SPMIP2: variants seen among roughly 807,000 people sequenced by gnomAD.
The protein encoded by SPMIP2 is sperm microtubule inner protein 2, also known as protein SPMIP2.
chr4:158,981,466 G>A, the SPMIP2 span, among the ~76,000 whole-genome samples: 2 of 152,150 alleles, frequency 1.3e-5, no homozygotes, highest in African/African-American at 2.4e-5. Context: ...GAAAGGTTGG[G>A]TTGGCCACAA....
chr4:159,065,167 A>G, the SPMIP2 span, among the ~76,000 whole-genome samples: 13 of 152,314 alleles, frequency 8.5e-5, no homozygotes, highest in African/African-American at 2.2e-4. Context: ...GTTCCTCTCT[A>G]TGCAGATTTT....
At chr4:159,073,405 C>T in the SPMIP2 span, among the ~76,000 whole-genome samples, 1 of 152,178 alleles carries the variant, frequency 6.6e-6, no homozygotes, top group African/African-American at 2.4e-5. Flanking sequence ...CTGCCCAACT[C>T]AGCCTCCCAA....
chr4:158,946,727 A>T, the SPMIP2 span, among the ~76,000 whole-genome samples: 994 of 152,360 alleles, frequency 6.5e-3, 10 homozygotes, highest in African/African-American at 0.022. Flanking sequence ...AAAGACTGAC[A>T]GATATGCATC....
At chr4:159,080,691 C>G in the SPMIP2 span, among the ~76,000 whole-genome samples, 1 of 151,968 alleles carries the variant, frequency 6.6e-6, no homozygotes, top group African/African-American at 2.4e-5. Flanking sequence ...TAAAAAACAA[C>G]AAAATTGGGC....
the SPMIP2 span, among the ~76,000 whole-genome samples, chr4:158,936,590 A>G: frequency 6.6e-6 from 1 of 152,222 alleles, no homozygotes; most frequent in Non-Finnish European, 1.5e-5. Context: ...TTTGAGAAAC[A>G]CATTTAGAAA....
chr4:158,922,191 C>CA, the SPMIP2 span, among the ~76,000 whole-genome samples: 3 of 152,044 alleles, frequency 2.0e-5, no homozygotes, highest in Non-Finnish European at 4.4e-5. Context: ...CCCAGCCTTA[C>CA]ATATTTACTT....
the SPMIP2 span, among the ~76,000 whole-genome samples, chr4:158,945,670 T>C: frequency 6.6e-6 from 1 of 152,152 alleles, no homozygotes; most frequent in Non-Finnish European, 1.5e-5. Flanking sequence ...GATGAACAGT[T>C]GGGAAACCAC....
chr4:159,042,251 A>G, the SPMIP2 span, among the ~76,000 whole-genome samples: 2 of 152,174 alleles, frequency 1.3e-5, no homozygotes, highest in Non-Finnish European at 2.9e-5. Flanking sequence ...CCACCAGCTC[A>G]AGTCTCTGGA....
chr4:158,903,692 T>C, the SPMIP2 span, among the ~76,000 whole-genome samples: 1 of 152,176 alleles, frequency 6.6e-6, no homozygotes, highest in African/African-American at 2.4e-5. Context: ...GTATGTAGCA[T>C]TACTGGAGAA....
chr4:159,029,098 AAAAC>A, the SPMIP2 span, among the ~76,000 whole-genome samples: 3 of 152,312 alleles, frequency 2.0e-5, no homozygotes, highest in Admixed American at 6.5e-5. Flanking sequence ...CTGTCTCAAA[AAAAC>A]AAACAAACAT....
the SPMIP2 span, among the ~76,000 whole-genome samples, chr4:158,986,758 A>C: frequency 6.6e-6 from 1 of 152,194 alleles, no homozygotes; most frequent in Non-Finnish European, 1.5e-5. Context: ...AAGCAATGGC[A>C]ACAGAAGCCA....
chr4:159,073,246 C>A, the SPMIP2 span, among the ~76,000 whole-genome samples: 28 of 152,140 alleles, frequency 1.8e-4, no homozygotes, highest in Admixed American at 8.5e-4. Context: ...CTCGACCTCC[C>A]AGGCTCAAGT....
At chr4:158,898,569 T>C in the SPMIP2 span, among the ~76,000 whole-genome samples, 1 of 152,194 alleles carries the variant, frequency 6.6e-6, no homozygotes, top group African/African-American at 2.4e-5. Flanking sequence ...TTGTAAGTTA[T>C]ATTACTAGGT....
chr4:158,965,522 C>T, the SPMIP2 span, among the ~76,000 whole-genome samples: 1 of 151,980 alleles, frequency 6.6e-6, no homozygotes, highest in Non-Finnish European at 1.5e-5. Context: ...ATGTGTTTGC[C>T]ACTGTTGTTA....
chr4:158,893,641 T>C, the SPMIP2 span: 1 of 1,431,330 alleles, frequency 7.0e-7, no homozygotes, highest in Non-Finnish European at 9.7e-7. Flanking sequence ...TCTTATTTTT[T>C]GTTATACAGT....
At chr4:159,042,647 C>T in the SPMIP2 span, among the ~76,000 whole-genome samples, 1 of 152,056 alleles carries the variant, frequency 6.6e-6, no homozygotes, top group African/African-American at 2.4e-5. Flanking sequence ...TAGGGACTCA[C>T]TAGGTACTTT....
chr4:159,012,673 A>T, the SPMIP2 span, among the ~76,000 whole-genome samples: 2 of 151,962 alleles, frequency 1.3e-5, no homozygotes, highest in Non-Finnish European at 2.9e-5. Flanking sequence ...GTGGGCTCAA[A>T]TGATCCTCCC....
chr4:158,963,538 C>T, the SPMIP2 span, among the ~76,000 whole-genome samples: 2 of 152,202 alleles, frequency 1.3e-5, no homozygotes, highest in Non-Finnish European at 2.9e-5. Context: ...TCATCTGCCT[C>T]AGCCTCCCAA....
At chr4:158,975,632 G>A in the SPMIP2 span, among the ~76,000 whole-genome samples, 1 of 152,074 alleles carries the variant, frequency 6.6e-6, no homozygotes, top group Admixed American at 6.6e-5. Flanking sequence ...TATTTCTGAG[G>A]CCTCTGTTCT....
Sources: allele counts gnomAD v4.1 joint callset (sites outside exome capture counted in the v4.1 genomes callset), GRCh38; gene constraint gnomAD v4.1.1; transcripts MANE v1.5; gene names NCBI Gene and HGNC (gene_info 2026-07-23, HGNC 2026-07-21).